Variants in FMNL2 observed in about 807,000 individuals in gnomAD.
The protein encoded by FMNL2 is formin like 2.
A neutral mutation model predicts 130.2 loss-of-function variants in FMNL2; 51 were observed. The observed-to-expected ratio is 0.39, with a 90% CI of 0.31 to 0.49. The LOEUF is 0.49. Ranked by LOEUF, FMNL2 falls within the 20% of genes least tolerant of loss-of-function variation. The pLI is 0.85. For missense variants in FMNL2, 977 were observed against 1,316.2 expected, an observed-to-expected ratio of 0.74 and a Z score of 3.99; for synonymous variants, 465 against 467.1, an observed-to-expected ratio of 1.00 and a Z score of 0.06.
At chr2:152,528,679 TG>T (rs1693527963) in intron 2 of FMNL2, among the ~76,000 whole-genome samples, 1 of 152,098 alleles carries the variant, frequency 6.6e-6, no homozygotes, top group African/African-American at 2.4e-5. Context: ...CACTGGTGGT[TG>T]GGGGAGGAGG....
intron 1 of FMNL2, among the ~76,000 whole-genome samples, chr2:152,499,824 A>ATC (rs1186774460): frequency 1.3e-5 from 2 of 152,198 alleles, no homozygotes; most frequent in East Asian, 3.8e-4. Flanking sequence ...TTAGCAGTAC[A>ATC]CTGAGTTCTT....
intron 1 of FMNL2, among the ~76,000 whole-genome samples, chr2:152,443,579 A>T (rs1043388354): frequency 7.2e-5 from 11 of 151,976 alleles, no homozygotes; most frequent in South Asian, 4.2e-4. Context: ...GTGGTGGCTC[A>T]CGCCTATAAT....
chr2:152,470,196 A>C (rs1298113547), intron 1 of FMNL2, among the ~76,000 whole-genome samples: 1 of 152,192 alleles, frequency 6.6e-6, no homozygotes, highest in Non-Finnish European at 1.5e-5. Context: ...GAGGCTGAAT[A>C]ATGCAATGTT....
chr2:152,551,675 A>G (rs143292855), intron 4 of FMNL2, among the ~76,000 whole-genome samples: 80 of 152,334 alleles, frequency 5.3e-4, no homozygotes, highest in African/African-American at 1.8e-3. Flanking sequence ...GCAAGGTGCT[A>G]TTTAAGGAAG....
chr2:152,433,166 A>G (rs936839822), intron 1 of FMNL2, among the ~76,000 whole-genome samples: 1 of 152,204 alleles, frequency 6.6e-6, no homozygotes, highest in African/African-American at 2.4e-5. Flanking sequence ...TTATTCAAGG[A>G]CAGGAGGCCC....
At chr2:152,391,072 T>G (rs1685082674) in intron 1 of FMNL2, among the ~76,000 whole-genome samples, 1 of 152,212 alleles carries the variant, frequency 6.6e-6, no homozygotes, top group Non-Finnish European at 1.5e-5. Flanking sequence ...CTTTGTTGTA[T>G]TTTATTTCTT....
intron 1 of FMNL2, among the ~76,000 whole-genome samples, chr2:152,377,981 A>G (rs1684263617): frequency 1.3e-5 from 2 of 152,142 alleles, no homozygotes; most frequent in Admixed American, 1.3e-4. Context: ...GCATGGTGGC[A>G]CATGCCTGTA....
intron 12 of FMNL2, among the ~76,000 whole-genome samples, chr2:152,616,878 G>A (rs544489286): frequency 6.6e-6 from 1 of 152,270 alleles, no homozygotes; most frequent in South Asian, 2.1e-4. Flanking sequence ...AGACATGTGG[G>A]TCTTATTAAG....
chr2:152,390,569 GGA>G, intron 1 of FMNL2: 1 of 1,432,708 alleles, frequency 7.0e-7, no homozygotes, highest in Admixed American at 1.7e-5. Flanking sequence ...AGAAGAAACA[GGA>G]GATTCTGAAG....
intron 1 of FMNL2, among the ~76,000 whole-genome samples, chr2:152,508,865 C>T (rs1384425309): frequency 1.3e-5 from 2 of 152,104 alleles, no homozygotes; most frequent in African/African-American, 4.8e-5. Flanking sequence ...TCATCTCTGT[C>T]TTGCATGCAT....
chr2:152,388,580 T>C (rs1421535288), intron 1 of FMNL2, among the ~76,000 whole-genome samples: 1 of 152,066 alleles, frequency 6.6e-6, no homozygotes, highest in Admixed American at 6.5e-5. Flanking sequence ...CAATTCAAGA[T>C]GACATTTGGG....
intron 1 of FMNL2, among the ~76,000 whole-genome samples, chr2:152,500,680 T>A (rs879319592): frequency 2.0e-5 from 3 of 152,124 alleles, no homozygotes; most frequent in Non-Finnish European, 4.4e-5. Context: ...AAACCCTGTT[T>A]CTACTAAAAA....
At chr2:152,632,536 T>G (rs1416111737) in intron 21 of FMNL2, among the ~76,000 whole-genome samples, 1 of 149,304 alleles carries the variant, frequency 6.7e-6, no homozygotes, top group African/African-American at 2.5e-5. Context: ...TGCCTTTGCC[T>G]GGACACTAGT....
intron 1 of FMNL2, among the ~76,000 whole-genome samples, chr2:152,381,460 C>T (rs2346201): frequency 0.58 from 88,012 of 151,990 alleles, 26,019 homozygotes; most frequent in South Asian, 0.7. Context: ...AGCTTCTTGT[C>T]TGAATATCTT....
chr2:152,555,503 A>G (rs1235313627), intron 4 of FMNL2, among the ~76,000 whole-genome samples: 9 of 152,242 alleles, frequency 5.9e-5, no homozygotes, highest in Non-Finnish European at 8.8e-5. Context: ...CTTAAGACCT[A>G]TATGAGGAGA....
chr2:152,448,627 G>A lies in FMNL2; in HGVS notation c.118-73316G>A, dbSNP rs1183006268. ...CATAAAAGGAAACCTTCTGTAAATT[G>A]AATACTATCTGAAACCAGATGCACT... On this transcript the variant is annotated intron_variant, in intron 1 of 25. Transcript: ENST00000288670. Among the ~76,000 whole-genome samples the A allele has an allele frequency of 2.0e-5, 3 of 152,110 alleles. No homozygotes were observed. In the South Asian group the frequency reaches 6.2e-4, roughly 32 times the overall value.
chr2:152,499,167 A>G (rs1691675079), intron 1 of FMNL2, among the ~76,000 whole-genome samples: 1 of 152,198 alleles, frequency 6.6e-6, no homozygotes, highest in Non-Finnish European at 1.5e-5. Context: ...CCCAGTGGAA[A>G]AGTGTTGATG....
intron 9 of FMNL2, among the ~76,000 whole-genome samples, chr2:152,597,275 G>T (rs1472874262): frequency 6.6e-6 from 1 of 152,148 alleles, no homozygotes; most frequent in Non-Finnish European, 1.5e-5. Context: ...GAAAATACCT[G>T]CCAAGTGCAT....
intron 1 of FMNL2, among the ~76,000 whole-genome samples, chr2:152,456,260 A>C (rs1050220351): frequency 6.6e-6 from 1 of 152,178 alleles, no homozygotes; most frequent in African/African-American, 2.4e-5. Context: ...TGTTAACTCA[A>C]TTTTTTAGAA....
Sources: gnomAD v4.1 joint callset for allele counts (sites outside exome capture counted in the v4.1 genomes callset) on GRCh38, gnomAD v4.1.1 for gene constraint, MANE v1.5 for transcripts, NCBI Gene and HGNC (gene_info 2026-07-23, HGNC 2026-07-21) for gene names.